The following ZBTB20 variants were observed in gnomAD, a reference collection of about 807,000 sequenced individuals.
ZBTB20 encodes the protein zinc finger and BTB domain containing 20, also known as zinc finger and BTB domain-containing protein 20.
Under a neutral mutation model 56.9 loss-of-function variants are expected in ZBTB20, and 9 were observed. That is an observed-to-expected ratio of 0.16 (90% CI 0.10 to 0.28). The LOEUF (loss-of-function observed/expected upper bound fraction) is 0.28, where lower values mean the gene tolerates loss of function less well. Among genes scored for constraint, ZBTB20 ranks in the 10% least tolerant of loss-of-function variants. The pLI is 1.00. For missense variants in ZBTB20, 655 were observed against 1,003.0 expected, an observed-to-expected ratio of 0.65 and a Z score of 4.69; for synonymous variants, 417 against 420.7, an observed-to-expected ratio of 0.99 and a Z score of 0.11.
At chr3:114,683,812 G>C (rs1028045004) in intron 6 of ZBTB20, among the ~76,000 whole-genome samples, 10 of 152,046 alleles carry the variant, frequency 6.6e-5, no homozygotes, top group Non-Finnish European at 1.3e-4. Flanking sequence ...GGTTAGCAGA[G>C]AACGGCTTCA....
intron 1 of ZBTB20, among the ~76,000 whole-genome samples, chr3:115,104,590 A>C (rs865948629): frequency 3.3e-5 from 5 of 152,202 alleles, no homozygotes; most frequent in South Asian, 2.1e-4. Flanking sequence ...AGCCAATCTG[A>C]AAAGATTGCC....
intron 6 of ZBTB20, among the ~76,000 whole-genome samples, chr3:114,602,484 T>C (rs1382446086): frequency 6.6e-6 from 1 of 152,070 alleles, no homozygotes; most frequent in Non-Finnish European, 1.5e-5. Context: ...CAGCACCTTC[T>C]GTTATGCTCC....
intron 1 of ZBTB20, among the ~76,000 whole-genome samples, chr3:115,133,135 T>A (rs1486198748): frequency 6.6e-6 from 1 of 152,188 alleles, no homozygotes; most frequent in Non-Finnish European, 1.5e-5. Flanking sequence ...TTCCTTACGT[T>A]TAAGTGACAA....
intron 3 of ZBTB20, among the ~76,000 whole-genome samples, chr3:114,935,431 C>A (rs2076500592): frequency 6.6e-6 from 1 of 152,068 alleles, no homozygotes; most frequent in Admixed American, 6.5e-5. Context: ...CACCTTGAAT[C>A]CAGAATATAT....
intron 4 of ZBTB20, among the ~76,000 whole-genome samples, chr3:114,886,642 G>C (rs1439159852): frequency 1.3e-5 from 2 of 152,166 alleles, no homozygotes; most frequent in African/African-American, 4.8e-5. Context: ...TCAGTTTTTA[G>C]TTCTGCAGTC....
At chr3:114,848,904 T>G (rs1250720601) in intron 4 of ZBTB20, among the ~76,000 whole-genome samples, 1 of 152,156 alleles carries the variant, frequency 6.6e-6, no homozygotes, top group Non-Finnish European at 1.5e-5. Context: ...TGTGCTACTA[T>G]CACAAGAGTG....
rs1439756245 is a variant in ZBTB20, at chr3:114,322,122, A to G, written c.*16883T>C. The G allele has an allele frequency of 6.6e-6, 1 of 152,192 alleles. No homozygotes were observed. Among genetic ancestry groups the G allele is most frequent in the Non-Finnish European group, 1.5e-5 (1 of 68,056 alleles). The allele number at this position is 152,192 out of a possible 1,614,324, so 9.4% of individuals were successfully genotyped here. On this transcript the variant is annotated 3_prime_UTR_variant, in exon 12 of 12. Coordinates refer to ENST00000675478, the MANE Select transcript of ZBTB20 (RefSeq NM_001348800.3). ...CTGCTGTTGGCTCTGGCCATACAGA[A>G]CCCTGATCTGCACTGTGTACATGCT... is the stretch of plus-strand genomic sequence containing the variant.
intron 7 of ZBTB20, chr3:114,419,145 A>G (rs530152181): frequency 2.0e-5 from 3 of 152,284 alleles, no homozygotes; most frequent in Admixed American, 1.3e-4. Flanking sequence ...TTGTCCTCAC[A>G]TGACATTAAA....
Position 114,339,086 on chromosome 3 carries a change from G to T in ZBTB20, c.2145C>A (p.Tyr715Ter). 6.3e-7 allele frequency: 1 copy of T among 1,586,160 alleles called. No individual in the cohort carries two copies. The highest frequency in any genetic ancestry group is 8.6e-7 in the Non-Finnish European group (1 of 1,164,304). The change falls in exon 12 of 12, where the codon TAC (tyrosine) becomes TAA (stop). Residue 715 changes from tyrosine to a stop codon, truncating the protein, a stop_gained. Coordinates refer to ENST00000675478, the MANE Select transcript of ZBTB20 (RefSeq NM_001348800.3). LOFTEE classifies it high-confidence loss of function. This position sits in a 1 kb window ranked among gnomAD's most constrained non-coding sequence, Gnocchi z 4.2. The stretch of plus-strand genomic sequence containing the variant: ...ACTTTGCTGGGCAGACGGAGCAGAC[G>T]TAAGTGGTCCCCTCCGTGCAGGCCA... ...GVVACTEGTT[Y>*]VCSVCPAKFD...
chr3:114,786,806 G>T (rs934158119), intron 5 of ZBTB20, among the ~76,000 whole-genome samples: 1 of 151,942 alleles, frequency 6.6e-6, no homozygotes, highest in Non-Finnish European at 1.5e-5. Context: ...TATTGACAAG[G>T]ATATGGAGCT....
At chr3:114,777,302 C>T (rs1400111064) in intron 5 of ZBTB20, among the ~76,000 whole-genome samples, 1 of 152,000 alleles carries the variant, frequency 6.6e-6, no homozygotes, top group East Asian at 1.9e-4. Flanking sequence ...GTCAGGACTT[C>T]AAGACCAGCC....
chr3:114,744,222 C>A (rs2066857847), intron 5 of ZBTB20, among the ~76,000 whole-genome samples: 1 of 152,196 alleles, frequency 6.6e-6, no homozygotes, highest in African/African-American at 2.4e-5. Context: ...ATAAGAATCA[C>A]AAGCTTTCCA....
intron 2 of ZBTB20, among the ~76,000 whole-genome samples, chr3:114,991,091 G>A (rs1442622099): frequency 6.6e-6 from 1 of 151,944 alleles, no homozygotes; most frequent in Non-Finnish European, 1.5e-5. Flanking sequence ...AGGGTTTTTT[G>A]TGTCTCTATC....
chr3:114,453,926 C>A (rs1405518288), intron 7 of ZBTB20, among the ~76,000 whole-genome samples: 12 of 115,918 alleles, frequency 1.0e-4, no homozygotes, highest in Admixed American at 3.3e-4. Flanking sequence ...CTCACTCCCC[C>A]CCCCCCCACC....
chr3:115,068,791 A>C (rs1237765989), intron 2 of ZBTB20, among the ~76,000 whole-genome samples: 1 of 152,122 alleles, frequency 6.6e-6, no homozygotes, highest in Non-Finnish European at 1.5e-5. Flanking sequence ...AATGTTTCAA[A>C]TTCCACTTTG....
At chr3:115,056,356 A>G (rs2081781649) in intron 2 of ZBTB20, among the ~76,000 whole-genome samples, 1 of 152,144 alleles carries the variant, frequency 6.6e-6, no homozygotes, top group South Asian at 2.1e-4. Flanking sequence ...TGTGAGAGGT[A>G]AAGAATTCTT....
intron 6 of ZBTB20, among the ~76,000 whole-genome samples, chr3:114,651,643 C>T (rs1279057527): frequency 6.7e-6 from 1 of 150,302 alleles, no homozygotes; most frequent in African/African-American, 2.4e-5. Context: ...TTGCAATATG[C>T]AACAAAACAA....
chr3:114,418,711 G>T (rs974426734), intron 7 of ZBTB20, among the ~76,000 whole-genome samples: 3 of 151,966 alleles, frequency 2.0e-5, no homozygotes, highest in Non-Finnish European at 4.4e-5. Flanking sequence ...GGGGTATGTT[G>T]AAATAAAATA....
intron 6 of ZBTB20, among the ~76,000 whole-genome samples, chr3:114,595,651 A>G (rs1046653899): frequency 6.6e-6 from 1 of 152,230 alleles, no homozygotes; most frequent in African/African-American, 2.4e-5. Context: ...AACCTGGGTT[A>G]CTTGATCTGA....
Sources: allele counts gnomAD v4.1 joint callset (sites outside exome capture counted in the v4.1 genomes callset), GRCh38; gene constraint gnomAD v4.1.1; non-coding constraint Gnocchi (gnomAD v3.1); transcripts MANE v1.5; gene names NCBI Gene and HGNC (gene_info 2026-07-23, HGNC 2026-07-21).